The following ABAT variants were observed in gnomAD, a reference collection of about 807,000 sequenced individuals.
ABAT encodes 4-aminobutyrate aminotransferase.
In ABAT, 45 loss-of-function variants were observed where a neutral mutation model predicts 64.6. The ratio of observed to expected loss-of-function variants is 0.70; its 90% confidence interval spans 0.55 to 0.89. The LOEUF (loss-of-function observed/expected upper bound fraction) is 0.89, where lower values mean the gene tolerates loss of function less well. Among genes scored for constraint, ABAT ranks in the 40% least tolerant of loss-of-function variants. The pLI, the probability that ABAT is intolerant of heterozygous loss-of-function variation, is 0.00. For missense variants in ABAT, 633 were observed against 658.4 expected (o/e 0.96, Z 0.42); for synonymous variants, 297 against 250.5 (o/e 1.19, Z -1.75).
At chr16:8,712,005 C>CGGGGG (rs60186520) in intron 1 of ABAT, among the ~76,000 whole-genome samples, 3 of 150,446 alleles carry the variant, frequency 2.0e-5, no homozygotes, top group African/African-American at 7.4e-5. Flanking sequence ...TTTGGGAGGT[C>CGGGGG]GGGGGGGAGG....
intron 14 of ABAT, among the ~76,000 whole-genome samples, chr16:8,777,034 G>C (rs1367109911): frequency 6.6e-6 from 1 of 152,176 alleles, no homozygotes; most frequent in Non-Finnish European, 1.5e-5. Context: ...AAGTAGCTGG[G>C]ATTACGGGCA....
intron 1 of ABAT, among the ~76,000 whole-genome samples, chr16:8,677,054 C>T (rs554695406): frequency 8.5e-5 from 13 of 152,288 alleles, no homozygotes; most frequent in East Asian, 3.9e-4. Context: ...AGGAGGACCA[C>T]GGTAGAGAGG....
At chr16:8,746,527 C>G (rs1309262808) in intron 3 of ABAT, among the ~76,000 whole-genome samples, 1 of 151,736 alleles carries the variant, frequency 6.6e-6, no homozygotes, top group Non-Finnish European at 1.5e-5. Context: ...ATTTTAGGCA[C>G]GCACCACCAC....
chr16:8,738,781 A>G (rs1250770310), intron 2 of ABAT, among the ~76,000 whole-genome samples: 2 of 151,724 alleles, frequency 1.3e-5, no homozygotes, highest in Non-Finnish European at 2.9e-5. Context: ...AGTAGCTGGG[A>G]TTACAGGCAC....
intron 1 of ABAT, among the ~76,000 whole-genome samples, chr16:8,708,477 G>GGGGGCAGGGTTGTGTGTCTCACT (rs2057999377): frequency 6.6e-6 from 1 of 151,700 alleles, no homozygotes; most frequent in Admixed American, 6.6e-5. Flanking sequence ...CAGGTGGCTC[G>GGGGGCAGGGTTGTGTGTCTCACT]GGGGCAGGGT....
intron 11 of ABAT, among the ~76,000 whole-genome samples, chr16:8,770,094 T>C (rs189901602): frequency 2.0e-5 from 3 of 152,318 alleles, no homozygotes; most frequent in Admixed American, 1.3e-4. Flanking sequence ...CTTTCATTTT[T>C]ACACCCTGCC....
rs9456 is a variant in ABAT, at chr16:8,783,734, T to A, written c.*2304T>A. 21,899 of 152,152 alleles carry A rather than the reference T, an allele frequency of 0.14. 1,595 individuals are homozygous for A. Among genetic ancestry groups the A allele is most frequent in the East Asian group, 0.22 (1,120 of 5,182 alleles). The allele number at this position is 152,152 out of a possible 1,614,324, so 9.4% of individuals were successfully genotyped here. ...CAAATATTCAGTATGGTTCTCGGAGTCCAAAGGGTTTTAAGCCAGGGCACA... is the reference window on the plus strand; with the variant it reads ...CAAATATTCAGTATGGTTCTCGGAGACCAAAGGGTTTTAAGCCAGGGCACA... On this transcript the variant is annotated 3_prime_UTR_variant, in exon 16 of 16. Coordinates refer to ENST00000268251, the MANE Select transcript of ABAT (RefSeq NM_020686.6).
At chr16:8,692,907 G>A (rs911580759) in intron 1 of ABAT, among the ~76,000 whole-genome samples, 1 of 152,204 alleles carries the variant, frequency 6.6e-6, no homozygotes, top group African/African-American at 2.4e-5. Flanking sequence ...AGGCTGGAGT[G>A]CAGTGGTGCA....
At chr16:8,770,389 G>A (rs1000326276) in intron 11 of ABAT, among the ~76,000 whole-genome samples, 6 of 151,982 alleles carry the variant, frequency 3.9e-5, no homozygotes, top group Admixed American at 3.9e-4. Context: ...CGCCCGCCTC[G>A]GCCTCCCAAA....
intron 1 of ABAT, among the ~76,000 whole-genome samples, chr16:8,702,338 C>G (rs147647207): frequency 6.6e-6 from 1 of 151,944 alleles, no homozygotes; most frequent in Non-Finnish European, 1.5e-5. Flanking sequence ...CTGCAACCTC[C>G]GCCTCCTGGG....
intron 2 of ABAT, among the ~76,000 whole-genome samples, chr16:8,744,260 G>C (rs2059266990): frequency 6.6e-6 from 1 of 152,164 alleles, no homozygotes; most frequent in South Asian, 2.1e-4. Flanking sequence ...CATGTGCTCA[G>C]CTTCTGGGGA....
chr16:8,761,247 C>G (rs1175648313), intron 6 of ABAT, among the ~76,000 whole-genome samples: 1 of 148,180 alleles, frequency 6.7e-6, no homozygotes, highest in East Asian at 2.1e-4. Context: ...CTGGTCCTAA[C>G]CCTCACATCT....
In ABAT at chr16:8,776,518, C is replaced by A; in HGVS notation, c.1269+28C>A. 2 of 1,567,756 alleles carry A rather than the reference C, an allele frequency of 1.3e-6. No homozygotes were observed. Among genetic ancestry groups the A allele is most frequent in the Admixed American group, 1.9e-5 (1 of 53,912 alleles). ...AACACCCCCTCCCCTGCCCCGCCCCCACCACCCATGGCTCCCCGCAGCAGC... is the reference window on the plus strand; with the variant it reads ...AACACCCCCTCCCCTGCCCCGCCCCAACCACCCATGGCTCCCCGCAGCAGC... On this transcript the variant is annotated intron_variant, in intron 14 of 15. Coordinates refer to ENST00000268251, the MANE Select transcript of ABAT (RefSeq NM_020686.6). This position sits in a 1 kb window ranked among gnomAD's most constrained non-coding sequence, Gnocchi z 4.4.
intron 2 of ABAT, among the ~76,000 whole-genome samples, chr16:8,738,616 G>GGTT (rs1555488773): frequency 1.7e-5 from 2 of 117,574 alleles, no homozygotes; most frequent in African/African-American, 7.6e-5. Context: ...TTTTGTTTTT[G>GGTT]TTTTTGTTTT....
At chr16:8,725,475 T>C (rs577554159) in intron 1 of ABAT, among the ~76,000 whole-genome samples, 2 of 152,360 alleles carry the variant, frequency 1.3e-5, no homozygotes, top group East Asian at 3.9e-4. Context: ...CTATGGGGCA[T>C]TTTACCTCTG....
intron 1 of ABAT, among the ~76,000 whole-genome samples, chr16:8,684,552 T>C (rs566962240): frequency 7.9e-4 from 120 of 152,004 alleles, no homozygotes; most frequent in African/African-American, 2.8e-3. Context: ...ACCCCTTCTC[T>C]ACAAAAAATT....
chr16:8,691,345 T>G (rs1162678383), intron 1 of ABAT, among the ~76,000 whole-genome samples: 1 of 152,168 alleles, frequency 6.6e-6, no homozygotes, highest in Non-Finnish European at 1.5e-5. Context: ...ACCTGAACAC[T>G]TGCACCTGCC....
chr16:8,728,585 A>G (rs2058626259), intron 1 of ABAT, among the ~76,000 whole-genome samples: 1 of 152,198 alleles, frequency 6.6e-6, no homozygotes. Flanking sequence ...TTATTAAGAA[A>G]AGAGTTTGGG....
chr16:8,780,684 C>G (rs938816281), intron 15 of ABAT: 5 of 163,348 alleles, frequency 3.1e-5, no homozygotes, highest in Non-Finnish European at 6.7e-5. Flanking sequence ...TGGCTTGAAC[C>G]TGGGAGGTGG....
Sources: allele counts gnomAD v4.1 joint callset (sites outside exome capture counted in the v4.1 genomes callset), GRCh38; gene constraint gnomAD v4.1.1; non-coding constraint Gnocchi (gnomAD v3.1); transcripts MANE v1.5; gene names NCBI Gene and HGNC (gene_info 2026-07-23, HGNC 2026-07-21).